SSBP3: variants seen among roughly 807,000 people sequenced by gnomAD.
The protein encoded by SSBP3 is single stranded DNA binding protein 3.
A neutral mutation model predicts 69.6 loss-of-function variants in SSBP3; 5 were observed. The ratio of observed to expected loss-of-function variants is 0.07; its 90% CI spans 0.04 to 0.15. The LOEUF (loss-of-function observed/expected upper bound fraction) is 0.15, where lower values mean the gene tolerates loss of function less well. SSBP3 is among the 10% of genes least tolerant of loss of function. SSBP3 has a pLI of 1.00. For missense variants in SSBP3, 312 were observed against 534.0 expected, an observed-to-expected ratio of 0.58 and a Z score of 4.10; for synonymous variants, 196 against 193.4, an observed-to-expected ratio of 1.01 and a Z score of -0.11.
At chr1:54,250,544 G>T (rs557987506) in intron 9 of SSBP3, among the ~76,000 whole-genome samples, 10 of 152,028 alleles carry the variant, frequency 6.6e-5, no homozygotes, top group Non-Finnish European at 1.5e-4. Context: ...GCGGGAATGG[G>T]GGGGGGCACT....
chr1:54,273,710 A>G (rs1645235310), intron 5 of SSBP3, among the ~76,000 whole-genome samples: 1 of 152,220 alleles, frequency 6.6e-6, no homozygotes, highest in Non-Finnish European at 1.5e-5. Context: ...GGAGCAAGCT[A>G]AGGCCAAGAG....
intron 4 of SSBP3, among the ~76,000 whole-genome samples, chr1:54,305,325 C>A (rs190925848): frequency 4.6e-5 from 7 of 152,260 alleles, no homozygotes; most frequent in Admixed American, 2.0e-4. Context: ...TTTCACAGCA[C>A]CTGCCTAGCA....
At chr1:54,291,772 C>T (rs546004328) in intron 4 of SSBP3, among the ~76,000 whole-genome samples, 13 of 152,358 alleles carry the variant, frequency 8.5e-5, no homozygotes, top group South Asian at 6.2e-4. Flanking sequence ...AACAACACTA[C>T]GAAGCGCTGG....
rs539899682 is a variant in SSBP3, at chr1:54,226,536, TTTATTA to T, written c.*589_*594del. The T allele has an allele frequency of 3.9e-5, 6 of 153,606 alleles. No individual in the cohort carries two copies. The East Asian group carries it at 7.7e-4, about 20-fold the overall frequency. 9.5% of individuals were successfully genotyped at this position (153,606 alleles called of 1,614,324 possible). Reference sequence around the variant, plus strand: ...AAACCAACGATTGTAAACTGTCCAGTTTATTATTATTATTTTTGATGGCTACAGACA... The same window carrying T: ...AAACCAACGATTGTAAACTGTCCAGTTTATTATTTTTGATGGCTACAGACA... On this transcript the variant is annotated 3_prime_UTR_variant, in exon 18 of 18. Transcript: ENST00000610401.
At chr1:54,387,725 T>G (rs1648193249) in intron 4 of SSBP3, among the ~76,000 whole-genome samples, 1 of 152,198 alleles carries the variant, frequency 6.6e-6, no homozygotes, top group African/African-American at 2.4e-5. Context: ...TTGTTTTCAT[T>G]AGGGACAGAA....
At chr1:54,226,521 T>C (rs1317495415) in exon 18 of SSBP3, 1 of 153,170 alleles carries the variant, frequency 6.5e-6, no homozygotes, top group East Asian at 1.9e-4. Context: ...AAACCAACGA[T>C]TGTAAACTGT....
intron 9 of SSBP3, among the ~76,000 whole-genome samples, chr1:54,245,903 G>A (rs1280608164): frequency 1.3e-5 from 2 of 152,246 alleles, no homozygotes; most frequent in Non-Finnish European, 2.9e-5. Context: ...CAGACTGTGT[G>A]TGCACTGCCT....
intron 5 of SSBP3, among the ~76,000 whole-genome samples, chr1:54,260,654 T>C (rs1645002260): frequency 6.6e-6 from 1 of 152,190 alleles, no homozygotes; most frequent in Admixed American, 6.5e-5. Flanking sequence ...AGCTTGCTCT[T>C]GGCGCAGCTG....
At chr1:54,255,150 C>T (rs78894430) in intron 7 of SSBP3, among the ~76,000 whole-genome samples, 12 of 1,358 alleles carry the variant, frequency 8.8e-3, no homozygotes, top group Admixed American at 0.044. Context: ...ATTTCTATTG[C>T]GGGGGGGCGG....
At chr1:54,294,728 A>G (rs1307143121) in intron 4 of SSBP3, among the ~76,000 whole-genome samples, 4 of 152,050 alleles carry the variant, frequency 2.6e-5, no homozygotes, top group Non-Finnish European at 4.4e-5. Flanking sequence ...GAAGCCTGCT[A>G]TTTCTTCTCA....
At position 54,280,078 on chromosome 1, in the gene SSBP3, A is replaced by G. The variant is rs114603482; in HGVS notation, c.366+1360T>C. On this transcript the variant is annotated intron_variant, in intron 5 of 17. Transcript: ENST00000610401. ...TGGCCATCCAATGCCCCGGATGGCC[A>G]TCCTGCATCCCTCTCTCTCCTCCCA... Among the ~76,000 whole-genome samples the G allele has an allele frequency of 1.6e-3, 243 of 152,262 alleles. 2 individuals carry two copies. Among genetic ancestry groups the G allele is most frequent in the African/African-American group, 5.5e-3 (229 of 41,562 alleles).
chr1:54,277,004 C>T (rs1277221502), intron 5 of SSBP3, among the ~76,000 whole-genome samples: 2 of 152,166 alleles, frequency 1.3e-5, no homozygotes, highest in African/African-American at 4.8e-5. Flanking sequence ...CTCTGCTAGG[C>T]TGGCTGCTCC....
chr1:54,273,168 G>A (rs1645225201), intron 5 of SSBP3, among the ~76,000 whole-genome samples: 1 of 152,278 alleles, frequency 6.6e-6, no homozygotes, highest in African/African-American at 2.4e-5. Flanking sequence ...GGCGCTGCCT[G>A]CTGATGCATA....
intron 4 of SSBP3, among the ~76,000 whole-genome samples, chr1:54,397,612 A>G (rs1648989058): frequency 6.6e-6 from 1 of 152,184 alleles, no homozygotes; most frequent in Non-Finnish European, 1.5e-5. Context: ...CACAACAGCC[A>G]AGATGAAAGG....
At chr1:54,310,400 G>C (rs991347273) in intron 4 of SSBP3, among the ~76,000 whole-genome samples, 2 of 152,062 alleles carry the variant, frequency 1.3e-5, no homozygotes, top group East Asian at 1.9e-4. Flanking sequence ...TTTTCTACTG[G>C]GGGGTGGGCT....
At chr1:54,386,554 A>T (rs1015398917) in intron 4 of SSBP3, among the ~76,000 whole-genome samples, 16 of 152,006 alleles carry the variant, frequency 1.1e-4, no homozygotes, top group South Asian at 2.1e-4. Flanking sequence ...TCAGCAGGGG[A>T]AGCAACGACA....
intron 5 of SSBP3, among the ~76,000 whole-genome samples, chr1:54,263,357 C>A (rs1358059730): frequency 6.6e-6 from 1 of 152,182 alleles, no homozygotes; most frequent in African/African-American, 2.4e-5. Context: ...ACAGGAAGCG[C>A]CCACATTATG....
intron 4 of SSBP3, among the ~76,000 whole-genome samples, chr1:54,370,302 G>C (rs774790117): frequency 6.6e-6 from 1 of 152,190 alleles, no homozygotes; most frequent in African/African-American, 2.4e-5. Flanking sequence ...CCAACTTCCA[G>C]CCTGGTCTGT....
chr1:54,411,156 T>G (rs553173543), upstream of SSBP3, among the ~76,000 whole-genome samples: 27 of 152,300 alleles, frequency 1.8e-4, no homozygotes, highest in Non-Finnish European at 3.5e-4. Flanking sequence ...TTTTGTTTTG[T>G]TTTTTTCCTA....
Sources: allele counts gnomAD v4.1 joint callset (sites outside exome capture counted in the v4.1 genomes callset), GRCh38; gene constraint gnomAD v4.1.1; transcripts MANE v1.5; gene names NCBI Gene and HGNC (gene_info 2026-07-23, HGNC 2026-07-21).